Variants in CNTNAP5 observed in about 807,000 individuals in gnomAD.
The protein encoded by CNTNAP5 is contactin associated protein family member 5.
A neutral mutation model predicts 150.2 loss-of-function variants in CNTNAP5; 72 were observed. The ratio of observed to expected loss-of-function variants is 0.48; its 90% CI spans 0.40 to 0.58. CNTNAP5 has a LOEUF of 0.58. Ranked by LOEUF, CNTNAP5 falls within the 20% of genes least tolerant of loss-of-function variation. The pLI is 0.00. For synonymous variants in CNTNAP5, 672 were observed against 619.8 expected (o/e 1.08, Z -1.25); for missense variants, 1,636 against 1,626.2 (o/e 1.01, Z -0.10).
chr2:124,835,046 C>T (rs1027082547), intron 19 of CNTNAP5, among the ~76,000 whole-genome samples: 4 of 151,862 alleles, frequency 2.6e-5, no homozygotes, highest in African/African-American at 9.7e-5. Context: ...AAGCACATAT[C>T]ACAATGCTTA....
intron 10 of CNTNAP5, among the ~76,000 whole-genome samples, chr2:124,537,184 T>C (rs1198458703): frequency 1.9e-4 from 29 of 152,172 alleles, no homozygotes; most frequent in Non-Finnish European, 5.9e-5. Flanking sequence ...ACACAGCCTA[T>C]ATGTGGTAGA....
chr2:124,815,511 C>A (rs925170752), intron 19 of CNTNAP5, among the ~76,000 whole-genome samples: 2 of 152,096 alleles, frequency 1.3e-5, no homozygotes, highest in Admixed American at 6.5e-5. Context: ...AACTTATTTC[C>A]CCAGAGCGGC....
rs941259906 is a variant in CNTNAP5 at position 124,823,155 on chromosome 2, G to A, written c.3217+24835G>A. The stretch of plus-strand genomic sequence containing the variant: ...ACTTTGTAGCTGTTCCTGGCACACC[G>A]CTTATATGGTCACTCTAGTTACAGT... On this transcript the variant is annotated intron_variant, in intron 19 of 23. Transcript: ENST00000682447. 5.3e-5 allele frequency among the ~76,000 whole-genome samples: 8 copies of A among 152,142 alleles called. No individual in the cohort carries two copies. The South Asian group carries it at 6.2e-4, about 12-fold the overall frequency.
intron 6 of CNTNAP5, among the ~76,000 whole-genome samples, chr2:124,451,669 C>A (rs1482603717): frequency 6.6e-6 from 1 of 152,050 alleles, no homozygotes; most frequent in Admixed American, 6.5e-5. Flanking sequence ...CCAAAAGAAG[C>A]AGATTGCTTC....
intron 1 of CNTNAP5, among the ~76,000 whole-genome samples, chr2:124,208,689 C>T (rs991978607): frequency 3.3e-5 from 5 of 152,152 alleles, no homozygotes; most frequent in Non-Finnish European, 7.4e-5. Flanking sequence ...TAGCTCTCAT[C>T]CCCAAAATAC....
chr2:124,258,322 C>T (rs1046810165), intron 3 of CNTNAP5, among the ~76,000 whole-genome samples: 2 of 152,056 alleles, frequency 1.3e-5, no homozygotes, highest in Non-Finnish European at 2.9e-5. Flanking sequence ...TGTACATGAC[C>T]AAAGATGATC....
intron 4 of CNTNAP5, among the ~76,000 whole-genome samples, chr2:124,423,471 TC>T (rs1464378179): frequency 2.6e-5 from 4 of 152,088 alleles, no homozygotes; most frequent in African/African-American, 9.7e-5. Flanking sequence ...TCTGGGGGCT[TC>T]CATTTGAATT....
At chr2:124,321,933 T>A (rs897669067) in intron 3 of CNTNAP5, among the ~76,000 whole-genome samples, 1 of 152,142 alleles carries the variant, frequency 6.6e-6, no homozygotes, top group Non-Finnish European at 1.5e-5. Context: ...GTGGATCACC[T>A]GAGGTCAGGA....
intron 2 of CNTNAP5, among the ~76,000 whole-genome samples, chr2:124,230,671 A>G (rs1287464346): frequency 2.0e-5 from 3 of 151,872 alleles, no homozygotes; most frequent in Non-Finnish European, 4.4e-5. Flanking sequence ...AGCTGGGACT[A>G]CAGGTGCATG....
intron 21 of CNTNAP5, among the ~76,000 whole-genome samples, chr2:124,870,843 G>A (rs758200030): frequency 5.9e-5 from 9 of 152,010 alleles, no homozygotes; most frequent in African/African-American, 1.7e-4. Flanking sequence ...AAAGCATCAC[G>A]GGCCCCTGCT....
At chr2:124,037,677 G>A (rs1376594099) in intron 1 of CNTNAP5, among the ~76,000 whole-genome samples, 2 of 152,162 alleles carry the variant, frequency 1.3e-5, no homozygotes, top group East Asian at 3.9e-4. Flanking sequence ...GCCAGGAGCT[G>A]TAGGTGTGGG....
At chr2:124,483,993 A>G (rs1382505332) in intron 7 of CNTNAP5, among the ~76,000 whole-genome samples, 2 of 152,164 alleles carry the variant, frequency 1.3e-5, no homozygotes, top group Non-Finnish European at 2.9e-5. Context: ...TTGATCACTC[A>G]TCACAATTCT....
At chr2:124,160,522 G>A (rs113281350) in intron 1 of CNTNAP5, among the ~76,000 whole-genome samples, 4,472 of 42,684 alleles carry the variant, frequency 0.1, 220 homozygotes, top group African/African-American at 0.3. Context: ...TTCTGTCTTT[G>A]CCTTTTTTTT....
chr2:124,254,897 G>A lies in CNTNAP5; in HGVS notation c.381+12504G>A, dbSNP rs530194386. 5.3e-5 allele frequency among the ~76,000 whole-genome samples: 8 copies of A among 152,168 alleles called. No homozygotes were observed. The South Asian group carries it at 6.2e-4, about 12-fold the overall frequency. ...CAGTTGTTTTGCAACTTGTCCTACC[G>A]CAGACACAGATTCCTTAACCTCCTT... On this transcript the variant is annotated intron_variant, in intron 3 of 23. Transcript: ENST00000682447.
rs1003213812 is a variant in CNTNAP5, at chr2:124,920,567, C to T, written c.*6279C>T. Among the ~76,000 whole-genome samples the T allele has an allele frequency of 1.3e-5, 2 of 152,046 alleles. No homozygotes were observed. Among genetic ancestry groups the T allele is most frequent in the Non-Finnish European group, 2.9e-5 (2 of 67,984 alleles). On this transcript the variant is annotated 3_prime_UTR_variant, in exon 24 of 24. Transcript: ENST00000682447. ...GACTGCCTTTAGTGAGGACAAAGACCAAGAATTTTCTCTTTCTGAATCTGG... is the reference window on the plus strand; with the variant it reads ...GACTGCCTTTAGTGAGGACAAAGACTAAGAATTTTCTCTTTCTGAATCTGG...
At chr2:124,298,267 G>A (rs1250153889) in intron 3 of CNTNAP5, among the ~76,000 whole-genome samples, 1 of 152,094 alleles carries the variant, frequency 6.6e-6, no homozygotes, top group Non-Finnish European at 1.5e-5. Context: ...CAGTTATTAA[G>A]CCTAGCACTG....
At chr2:124,908,384 G>T (rs1332015739) in intron 22 of CNTNAP5, among the ~76,000 whole-genome samples, 3 of 150,908 alleles carry the variant, frequency 2.0e-5, no homozygotes, top group Non-Finnish European at 3.0e-5. Flanking sequence ...AAAAAGAAAA[G>T]AAAAGAAAAA....
chr2:124,462,387 T>A (rs1693275191), intron 6 of CNTNAP5, among the ~76,000 whole-genome samples: 1 of 152,232 alleles, frequency 6.6e-6, no homozygotes, highest in South Asian at 2.1e-4. Context: ...TTTATATTTC[T>A]TCAAGTTTTA....
intron 1 of CNTNAP5, among the ~76,000 whole-genome samples, chr2:124,133,483 G>A (rs1011527156): frequency 6.6e-6 from 1 of 152,066 alleles, no homozygotes; most frequent in Non-Finnish European, 1.5e-5. Flanking sequence ...TCACACAGTT[G>A]GGGCAAGGGC....
Sources: allele counts gnomAD v4.1 joint callset (sites outside exome capture counted in the v4.1 genomes callset), GRCh38; gene constraint gnomAD v4.1.1; transcripts MANE v1.5; gene names NCBI Gene and HGNC (gene_info 2026-07-23, HGNC 2026-07-21).